The following DLG2 variants were observed in gnomAD, a reference collection of about 807,000 sequenced individuals.
DLG2 encodes the protein disks large homolog 2.
A neutral mutation model predicts 132.5 loss-of-function variants in DLG2; 45 were observed. That is an observed-to-expected ratio of 0.34 (90% CI 0.27 to 0.44). The LOEUF is 0.44. DLG2 is among the 20% of genes least tolerant of loss of function. The probability of loss-of-function intolerance (pLI) is 1.00; values close to 1 mark genes in which losing one functional copy is unlikely to be tolerated. For synonymous variants in DLG2, 424 were observed against 419.6 expected (o/e 1.01, Z -0.13); for missense variants, 1,045 against 1,196.9 (o/e 0.87, Z 1.87).
chr11:83,884,635 C>T (rs1211047720), intron 15 of DLG2, among the ~76,000 whole-genome samples: 2 of 152,244 alleles, frequency 1.3e-5, no homozygotes, highest in Non-Finnish European at 2.9e-5. Flanking sequence ...GACGGGCAGA[C>T]TGCCTCCTCA....
intron 18 of DLG2, among the ~76,000 whole-genome samples, chr11:83,727,910 A>G (rs2090314809): frequency 6.6e-6 from 1 of 152,244 alleles, no homozygotes; most frequent in South Asian, 2.1e-4. Flanking sequence ...CCACAGAACT[A>G]TTATACAGCT....
rs950601401 is a variant in DLG2 at position 84,544,993 on chromosome 11, G to A, written c.358-10262C>T. On this transcript the variant is annotated intron_variant, in intron 6 of 27. Coordinates refer to ENST00000376104, the MANE Select transcript of DLG2 (RefSeq NM_001142699.3). ...TTGAATTTTTTGTCCATACACATGA[G>A]TATTGTCTAAAACATGTTTTCTTTG... The A allele has an allele frequency of 7.5e-6, 3 of 398,896 alleles. No homozygotes were observed. In the East Asian group the frequency reaches 2.2e-4, roughly 29 times the overall value. The allele number at this position is 398,896 out of a possible 1,614,324, so 24.7% of individuals were successfully genotyped here.
intron 3 of DLG2, among the ~76,000 whole-genome samples, chr11:85,552,323 C>T (rs1429845919): frequency 6.6e-6 from 1 of 151,428 alleles, no homozygotes; most frequent in Non-Finnish European, 1.5e-5. Flanking sequence ...ATGCAAAACT[C>T]ATTTCTAGGT....
intron 7 of DLG2, among the ~76,000 whole-genome samples, chr11:84,487,896 A>G (rs1383642075): frequency 6.6e-6 from 1 of 152,104 alleles, no homozygotes; most frequent in African/African-American, 2.4e-5. Context: ...GTGAACAAAT[A>G]CGGAAGGAAA....
At chr11:83,484,776 T>A (rs892762833) in intron 21 of DLG2, among the ~76,000 whole-genome samples, 1 of 152,178 alleles carries the variant, frequency 6.6e-6, no homozygotes, top group African/African-American at 2.4e-5. Flanking sequence ...TTGAGTTACT[T>A]CTGTTTAGTT....
chr11:84,477,070 G>A (rs1324054885), intron 7 of DLG2, among the ~76,000 whole-genome samples: 1 of 152,128 alleles, frequency 6.6e-6, no homozygotes, highest in Non-Finnish European at 1.5e-5. Flanking sequence ...CTGAAATATA[G>A]TGGACACTGA....
At chr11:83,614,571 T>G in intron 19 of DLG2, among the ~76,000 whole-genome samples, 1 of 151,878 alleles carries the variant, frequency 6.6e-6, no homozygotes, top group Non-Finnish European at 1.5e-5. Flanking sequence ...ATACAAAAAT[T>G]AGCCAAGCCT....
At chr11:84,885,652 T>C (rs1450029223) in intron 6 of DLG2, among the ~76,000 whole-genome samples, 1 of 152,110 alleles carries the variant, frequency 6.6e-6, no homozygotes, top group Non-Finnish European at 1.5e-5. Context: ...AAATGGAGAT[T>C]AAAATACCCA....
intron 18 of DLG2, among the ~76,000 whole-genome samples, chr11:83,679,383 C>T (rs922822291): frequency 1.3e-5 from 2 of 152,020 alleles, no homozygotes; most frequent in African/African-American, 4.8e-5. Context: ...TGGCAAATAA[C>T]GTGGAAAGCT....
chr11:83,965,712 T>G (rs1356278959), intron 12 of DLG2, among the ~76,000 whole-genome samples: 1 of 151,950 alleles, frequency 6.6e-6, no homozygotes, highest in Non-Finnish European at 1.5e-5. Context: ...AGAATAGTAT[T>G]TGTGGGAAGG....
At chr11:83,669,839 G>A (rs2076537327) in intron 18 of DLG2, among the ~76,000 whole-genome samples, 1 of 152,154 alleles carries the variant, frequency 6.6e-6, no homozygotes, top group Non-Finnish European at 1.5e-5. Context: ...CTAGATAACT[G>A]AATAAATGAA....
Position 85,102,003 on chromosome 11 carries a change from C to T in DLG2, c.357+9658G>A, listed in dbSNP as rs187856771. ...CTGTGAAGAAAGACCTTCAAATGTG[C>T]TTTTGTGGCTGCCAAGATGGTGGTT... On this transcript the variant is annotated intron_variant, in intron 6 of 27. Coordinates refer to ENST00000376104, the MANE Select transcript of DLG2 (RefSeq NM_001142699.3). Among the ~76,000 whole-genome samples, 6 of 152,070 alleles carry T rather than the reference C, an allele frequency of 3.9e-5. No homozygotes were observed. The East Asian group carries it at 1.2e-3, about 30-fold the overall frequency.
chr11:84,680,894 T>C (rs1171429948), intron 6 of DLG2, among the ~76,000 whole-genome samples: 1 of 152,186 alleles, frequency 6.6e-6, no homozygotes, highest in Non-Finnish European at 1.5e-5. Context: ...CAGAGAAAAG[T>C]AGATTCTTTC....
Position 84,348,348 on chromosome 11 carries a change from A to T in DLG2, c.520-97057T>A, listed in dbSNP as rs2098548088. On this transcript the variant is annotated intron_variant, in intron 7 of 27. Transcript: ENST00000376104. ...GGTCAGGCAGTTAGGAAATGATAGA[A>T]TTCAAATTTTATTCTAGATCTCACT... 2.0e-5 allele frequency among the ~76,000 whole-genome samples: 3 copies of T among 152,208 alleles called. No homozygotes were observed. The South Asian group carries it at 6.2e-4, about 31-fold the overall frequency.
At chr11:84,948,892 G>A (rs1003429897) in intron 6 of DLG2, among the ~76,000 whole-genome samples, 1 of 152,168 alleles carries the variant, frequency 6.6e-6, no homozygotes, top group South Asian at 2.1e-4. Flanking sequence ...ATTTAAATGA[G>A]ACAGAGTATG....
chr11:84,401,397 G>A (rs1567535461), intron 7 of DLG2, among the ~76,000 whole-genome samples: 1 of 151,860 alleles, frequency 6.6e-6, no homozygotes, highest in Non-Finnish European at 1.5e-5. Context: ...CCCAACCCCT[G>A]GACTGTCTCT....
intron 6 of DLG2, among the ~76,000 whole-genome samples, chr11:84,998,087 G>T (rs925737116): frequency 6.6e-6 from 1 of 151,954 alleles, no homozygotes; most frequent in Non-Finnish European, 1.5e-5. Context: ...CCTCATATTT[G>T]CTGCTTAGTC....
rs947893607 is a variant in DLG2, at chr11:85,587,591, C to T, written c.40+11066G>A. On this transcript the variant is annotated intron_variant, in intron 3 of 27. Transcript: ENST00000376104. ...CCATTACCTTAAGTGAGTTCTTATG[C>T]GTTAAGTGAATCTCTTGAAGAGAGC... Among the ~76,000 whole-genome samples the T allele has an allele frequency of 2.0e-5, 3 of 152,024 alleles. No individual in the cohort carries two copies. In the East Asian group the frequency reaches 5.8e-4, roughly 29 times the overall value.
intron 7 of DLG2, among the ~76,000 whole-genome samples, chr11:84,382,283 C>G (rs2098751552): frequency 1.3e-5 from 2 of 152,076 alleles, no homozygotes; most frequent in African/African-American, 4.8e-5. Context: ...AACCACCAGA[C>G]AGCTGTCATC....
Sources: allele counts gnomAD v4.1 joint callset (sites outside exome capture counted in the v4.1 genomes callset), GRCh38; gene constraint gnomAD v4.1.1; transcripts MANE v1.5; gene names NCBI Gene and HGNC (gene_info 2026-07-23, HGNC 2026-07-21).